Variants in GSTA2 observed in about 807,000 individuals in gnomAD.
GSTA2 encodes the protein glutathione S-transferase alpha 2, also known as glutathione S-transferase A2.
GSTA2 carries 27 observed loss-of-function variants against 22.4 expected under a neutral mutation model. That is an observed-to-expected ratio of 1.21 (90% CI 0.89 to 1.67). The LOEUF (loss-of-function observed/expected upper bound fraction) is 1.67. Among genes scored for constraint, GSTA2 ranks in the 40% most tolerant of loss-of-function variants. The probability of loss-of-function intolerance (pLI) is 0.00; values close to 1 mark genes in which losing one functional copy is unlikely to be tolerated. For synonymous variants in GSTA2, 121 were observed against 86.8 expected, an observed-to-expected ratio of 1.39 and a Z score of -2.19; for missense variants, 302 against 260.2, an observed-to-expected ratio of 1.16 and a Z score of -1.11.
At chr6:52,758,752 G>A (rs1762897261) in intron 1 of GSTA2, among the ~76,000 whole-genome samples, 1 of 152,172 alleles carries the variant, frequency 6.6e-6, no homozygotes, top group South Asian at 2.1e-4. Flanking sequence ...TCTATGGGGT[G>A]CATTTTGTTT....
At chr6:52,752,777 C>G in intron 5 of GSTA2, 77 bp downstream of exon 5, 1 of 1,565,524 alleles carries the variant, frequency 6.4e-7, no homozygotes, top group Non-Finnish European at 8.8e-7. Flanking sequence ...AAGATCAGTG[C>G]CCCAGGAATG....
intron 2 of GSTA2, 42 bp downstream of exon 2, chr6:52,757,819 C>T (rs751115865): frequency 1.3e-6 from 2 of 1,514,584 alleles, no homozygotes; most frequent in East Asian, 4.5e-5. Flanking sequence ...TGTGATAACG[C>T]AATCGTAAAT....
At chr6:52,762,024 A>G (rs1247307849) in intron 1 of GSTA2, among the ~76,000 whole-genome samples, 1 of 145,774 alleles carries the variant, frequency 6.9e-6, no homozygotes, top group African/African-American at 2.4e-5. Flanking sequence ...ATTTAGGGCT[A>G]TGGAGGATGT....
intron 4 of GSTA2, among the ~76,000 whole-genome samples, chr6:52,754,408 A>G (rs953424474): frequency 2.0e-5 from 3 of 152,150 alleles, no homozygotes; most frequent in Non-Finnish European, 2.9e-5. Flanking sequence ...CCTTCTATCC[A>G]TGTGTCAAGG....
intron 1 of GSTA2, among the ~76,000 whole-genome samples, chr6:52,762,433 G>T (rs925517584): frequency 1.7e-4 from 26 of 152,128 alleles, no homozygotes; most frequent in African/African-American, 6.3e-4. Context: ...ACATGCTGGC[G>T]GCAATACTGC....
chr6:52,761,530 A>T (rs1382745828), intron 1 of GSTA2, among the ~76,000 whole-genome samples: 1 of 150,934 alleles, frequency 6.6e-6, no homozygotes, highest in Non-Finnish European at 1.5e-5. Context: ...AATCTGTCAT[A>T]TGATGGCTCT....
intron 2 of GSTA2, among the ~76,000 whole-genome samples, 171 bp from the exon 3 acceptor site, chr6:52,756,480 G>C (rs1159961428): frequency 6.6e-6 from 1 of 152,184 alleles, no homozygotes; most frequent in African/African-American, 2.4e-5. Context: ...CTAATTCATT[G>C]AGAAAAGTGC....
chr6:52,755,894 A>C, intron 3 of GSTA2, among the ~76,000 whole-genome samples: 1 of 152,084 alleles, frequency 6.6e-6, no homozygotes, highest in Non-Finnish European at 1.5e-5. Flanking sequence ...GGCCACATCT[A>C]TTCCTCCTCC....
chr6:52,760,899 T>C (rs1314365350), intron 1 of GSTA2, among the ~76,000 whole-genome samples: 2 of 152,106 alleles, frequency 1.3e-5, no homozygotes, highest in Non-Finnish European at 2.9e-5. Context: ...CAATAATTAA[T>C]TTACATCAAT....
At chr6:52,755,860 A>G (rs1456464319) in intron 3 of GSTA2, among the ~76,000 whole-genome samples, 3 of 152,086 alleles carry the variant, frequency 2.0e-5, no homozygotes, top group Non-Finnish European at 2.9e-5. Context: ...CACTCCCCCC[A>G]TGAAAGAAAA....
intron 1 of GSTA2, among the ~76,000 whole-genome samples, chr6:52,760,752 A>T (rs770569155): frequency 6.6e-6 from 1 of 152,312 alleles, no homozygotes; most frequent in South Asian, 2.1e-4. Flanking sequence ...AGAGGGGAAC[A>T]TCTAATTCCT....
chr6:52,759,389 A>G (rs1762908267), intron 1 of GSTA2, among the ~76,000 whole-genome samples: 2 of 152,120 alleles, frequency 1.3e-5, no homozygotes, highest in South Asian at 4.2e-4. Context: ...GTGAATGGAA[A>G]GACACAGGAC....
At chr6:52,754,869 G>A in intron 4 of GSTA2, 74 bp downstream of exon 4, 2 of 1,599,636 alleles carry the variant, frequency 1.3e-6, no homozygotes, top group East Asian at 4.5e-5. Context: ...CCCTGCCATG[G>A]TCCCACCCAC....
chr6:52,763,233 T>G (rs1312759773), intron 1 of GSTA2, among the ~76,000 whole-genome samples: 1 of 152,198 alleles, frequency 6.6e-6, no homozygotes, highest in Admixed American at 6.5e-5. Flanking sequence ...CCTGGTTTTC[T>G]AAACTCTTCA....
rs569078277 is a variant in GSTA2 at position 52,757,713 on chromosome 6, T to C, written c.87+148A>G. 22 of 715,196 alleles carry C rather than the reference T, an allele frequency of 3.1e-5. No individual in the cohort carries two copies. The African/African-American group carries it at 3.4e-4, about 11-fold the overall frequency. The allele number at this position is 715,196 out of a possible 1,614,324, so 44.3% of individuals were successfully genotyped here. A position where few individuals can be genotyped will look rare whatever the true frequency, so the allele number is the denominator to read the frequency against. ...AGAAGAAATTTTAAGAATTAATAGGTCAAATCTGTTCATCTTTTTCTTAAT... is the reference window on the plus strand; with the variant it reads ...AGAAGAAATTTTAAGAATTAATAGGCCAAATCTGTTCATCTTTTTCTTAAT... On this transcript the variant is annotated intron_variant, in intron 2 of 6. Transcript: ENST00000493422.
At chr6:52,761,932 C>T (rs546430280) in intron 1 of GSTA2, among the ~76,000 whole-genome samples, 43 of 150,812 alleles carry the variant, frequency 2.9e-4, no homozygotes, top group African/African-American at 9.9e-4. Context: ...ATTCTTCTGC[C>T]TTGAGATGCT....
intron 1 of GSTA2, among the ~76,000 whole-genome samples, chr6:52,759,051 T>C (rs1762902597): frequency 6.6e-6 from 1 of 152,194 alleles, no homozygotes; most frequent in African/African-American, 2.4e-5. Flanking sequence ...CAAATATGCA[T>C]GGTAATCTCT....
chr6:52,757,993 A>T lies in GSTA2; in HGVS notation c.-30-16T>A. 7.8e-7 allele frequency: 1 copy of T among 1,278,380 alleles called. No homozygotes were observed. Among genetic ancestry groups the T allele is most frequent in the East Asian group, 2.3e-5 (1 of 43,198 alleles). 79.2% of individuals were successfully genotyped at this position (1,278,380 alleles called of 1,614,324 possible). On this transcript the variant is annotated splice_polypyrimidine_tract_variant and intron_variant, in intron 1 of 6. Transcript: ENST00000493422. ...TTCTCTAAGCCTGAGTGAATGAATGAATGAATGAATGAATAATTGAAACGA... is the reference window on the plus strand; with the variant it reads ...TTCTCTAAGCCTGAGTGAATGAATGTATGAATGAATGAATAATTGAAACGA...
intron 3 of GSTA2, 99 bp from the exon 4 acceptor site, chr6:52,755,174 GA>G (rs1581773710): frequency 6.9e-7 from 1 of 1,452,666 alleles, no homozygotes. Context: ...TTTGTAAAAC[GA>G]AAAAGAAATT....
Sources: gnomAD v4.1 joint callset for allele counts (sites outside exome capture counted in the v4.1 genomes callset) on GRCh38, gnomAD v4.1.1 for gene constraint, MANE v1.5 for transcripts, NCBI Gene and HGNC (gene_info 2026-07-23, HGNC 2026-07-21) for gene names.